Variants in FBXO4 observed in about 807,000 individuals in gnomAD.
FBXO4 encodes F-box protein 4.
Under a neutral mutation model 43.7 loss-of-function variants are expected in FBXO4, and 36 were observed. That is an observed-to-expected ratio of 0.82 (90% CI 0.63 to 1.09). The LOEUF (loss-of-function observed/expected upper bound fraction) is 1.09, where lower values mean the gene tolerates loss of function less well. FBXO4 is among the 50% of genes least tolerant of loss of function. The pLI is 0.00. For synonymous variants in FBXO4, 180 were observed against 165.6 expected (o/e 1.09, Z -0.67); for missense variants, 435 against 474.1 (o/e 0.92, Z 0.77).
At chr5:41,966,003 T>C in the FBXO4 span, among the ~76,000 whole-genome samples, 3 of 152,142 alleles carry the variant, frequency 2.0e-5, no homozygotes, top group Non-Finnish European at 4.4e-5. Context: ...TGTAGGGACA[T>C]GGATGAAGCT....
chr5:41,933,365 C>T (rs1751750590), intron 3 of FBXO4, among the ~76,000 whole-genome samples: 1 of 152,008 alleles, frequency 6.6e-6, no homozygotes, highest in African/African-American at 2.4e-5. Flanking sequence ...CAGGCATGGG[C>T]CACCATGCCT....
At chr5:41,957,462 A>G in the FBXO4 span, among the ~76,000 whole-genome samples, 122 of 148,348 alleles carry the variant, frequency 8.2e-4, no homozygotes, top group African/African-American at 2.8e-3. Flanking sequence ...TTATAATTAT[A>G]TTAACTATAT....
At chr5:41,930,669 T>C (rs1200438153) in intron 3 of FBXO4, among the ~76,000 whole-genome samples, 1 of 151,026 alleles carries the variant, frequency 6.6e-6, no homozygotes, top group Non-Finnish European at 1.5e-5. Context: ...TTTCTTTCTT[T>C]CTTTTTTTTT....
the FBXO4 span, among the ~76,000 whole-genome samples, chr5:41,974,041 GCTAGACTAGTGTCTT>G: frequency 6.6e-6 from 1 of 152,162 alleles, no homozygotes; most frequent in Admixed American, 6.5e-5. Context: ...GCACTGTAAA[GCTAGACTAGTGTCTT>G]CTGGCTTGCA....
the FBXO4 span, among the ~76,000 whole-genome samples, chr5:42,011,459 G>A: frequency 6.6e-6 from 1 of 152,096 alleles, no homozygotes; most frequent in South Asian, 2.1e-4. Context: ...ACCAGAATTG[G>A]GAGCCAAATA....
Position 41,941,555 on chromosome 5 carries a change from A to G in FBXO4, c.*274A>G, listed in dbSNP as rs1411828500. 4 of 209,430 alleles carry G rather than the reference A, an allele frequency of 1.9e-5. No individual in the cohort carries two copies. Among genetic ancestry groups the G allele is most frequent in the African/African-American group, 9.2e-5 (4 of 43,618 alleles). 13.0% of individuals were successfully genotyped at this position (209,430 alleles called of 1,614,324 possible). Reference sequence around the variant, plus strand: ...TTTTCTGTCTTTTTAAAAATATTAAATTCTGGAAAAAACAAGTTTGTGCCT... The same window carrying G: ...TTTTCTGTCTTTTTAAAAATATTAAGTTCTGGAAAAAACAAGTTTGTGCCT... On this transcript the variant is annotated 3_prime_UTR_variant, in exon 7 of 7. Transcript: ENST00000281623.
intron 2 of FBXO4, among the ~76,000 whole-genome samples, chr5:41,927,723 T>G (rs982175925): frequency 1.3e-5 from 2 of 152,174 alleles, no homozygotes; most frequent in African/African-American, 4.8e-5. Flanking sequence ...GCAACTGCAG[T>G]GTACTGGATT....
the FBXO4 span, among the ~76,000 whole-genome samples, chr5:42,009,874 C>T: frequency 6.6e-6 from 1 of 152,172 alleles, no homozygotes; most frequent in Non-Finnish European, 1.5e-5. Context: ...TGTATCTCCA[C>T]AACTTTTAAA....
the FBXO4 span, among the ~76,000 whole-genome samples, chr5:41,960,289 A>G: frequency 6.6e-6 from 1 of 152,010 alleles, no homozygotes; most frequent in Non-Finnish European, 1.5e-5. Flanking sequence ...ATATAATGTA[A>G]TCTATGAACA....
chr5:42,011,450 C>T, the FBXO4 span, among the ~76,000 whole-genome samples: 1 of 152,206 alleles, frequency 6.6e-6, no homozygotes, highest in Non-Finnish European at 1.5e-5. Context: ...TTTCCAACCA[C>T]CAGAATTGGG....
At chr5:41,975,569 G>T in the FBXO4 span, among the ~76,000 whole-genome samples, 1 of 152,060 alleles carries the variant, frequency 6.6e-6, no homozygotes, top group East Asian at 1.9e-4. Context: ...AGAAAATAAG[G>T]CTCTGAAGGG....
At chr5:41,994,992 A>G in the FBXO4 span, among the ~76,000 whole-genome samples, 1 of 152,152 alleles carries the variant, frequency 6.6e-6, no homozygotes, top group Non-Finnish European at 1.5e-5. Flanking sequence ...CAGAGCATAC[A>G]TGGCCTCCTG....
chr5:42,036,339 GA>G, the FBXO4 span, among the ~76,000 whole-genome samples: 9 of 151,152 alleles, frequency 6.0e-5, no homozygotes, highest in Non-Finnish European at 1.3e-4. Context: ...TTGTTACTAA[GA>G]AAAAAAATGG....
the FBXO4 span, among the ~76,000 whole-genome samples, chr5:42,028,100 G>C: frequency 6.7e-6 from 1 of 149,610 alleles, no homozygotes; most frequent in African/African-American, 2.4e-5. Context: ...GTTCTGTCTG[G>C]AAGATCTGTC....
chr5:42,002,838 A>C, the FBXO4 span, among the ~76,000 whole-genome samples: 4 of 152,192 alleles, frequency 2.6e-5, no homozygotes, highest in African/African-American at 7.2e-5. Context: ...AGATAATATA[A>C]ATTTTTCTTC....
chr5:42,014,960 A>C, the FBXO4 span, among the ~76,000 whole-genome samples: 1 of 152,166 alleles, frequency 6.6e-6, no homozygotes, highest in Non-Finnish European at 1.5e-5. Flanking sequence ...TATTATTAGA[A>C]TATAATCTAT....
chr5:42,020,578 G>A, the FBXO4 span, among the ~76,000 whole-genome samples: 158 of 152,182 alleles, frequency 1.0e-3, no homozygotes, highest in African/African-American at 3.6e-3. Context: ...GTTCACAGTC[G>A]GTGTGGTGTT....
At chr5:41,938,473 A>G (rs1157604796) in intron 5 of FBXO4, among the ~76,000 whole-genome samples, 2 of 152,250 alleles carry the variant, frequency 1.3e-5, no homozygotes, top group Non-Finnish European at 2.9e-5. Flanking sequence ...GTCAAAATCT[A>G]AGACGTATAG....
chr5:41,934,878 G>C (rs1751809123), intron 5 of FBXO4: 10 of 986,614 alleles, frequency 1.0e-5, no homozygotes, highest in Non-Finnish European at 1.2e-5. Flanking sequence ...TGGGCCATGA[G>C]CTAGTATTAT....
Sources: gnomAD v4.1 joint callset for allele counts (sites outside exome capture counted in the v4.1 genomes callset) on GRCh38, gnomAD v4.1.1 for gene constraint, MANE v1.5 for transcripts, NCBI Gene and HGNC (gene_info 2026-07-23, HGNC 2026-07-21) for gene names.